TLK1: variants seen among roughly 807,000 people sequenced by gnomAD.
TLK1 encodes the protein serine/threonine-protein kinase tousled-like 1.
Under a neutral mutation model 105.3 loss-of-function variants are expected in TLK1, and 24 were observed. The observed-to-expected ratio is 0.23, with a 90% CI of 0.17 to 0.32. The LOEUF is 0.32. TLK1 is among the 10% of genes least tolerant of loss of function. The pLI, the probability that TLK1 is intolerant of heterozygous loss-of-function variation, is 1.00. For missense variants in TLK1, 558 were observed against 910.5 expected, an observed-to-expected ratio of 0.61 and a Z score of 4.98; for synonymous variants, 321 against 310.4, an observed-to-expected ratio of 1.03 and a Z score of -0.36.
At chr2:171,064,710 AAC>A (rs1687909488) in intron 3 of TLK1, among the ~76,000 whole-genome samples, 1 of 152,184 alleles carries the variant, frequency 6.6e-6, no homozygotes, top group Admixed American at 6.5e-5. Context: ...TATACAATGA[AAC>A]AGTCATTAGG....
chr2:171,011,785 T>C (rs887377317), intron 13 of TLK1, among the ~76,000 whole-genome samples: 2 of 152,166 alleles, frequency 1.3e-5, no homozygotes, highest in African/African-American at 2.4e-5. Context: ...ATCACTTCTC[T>C]GGAAAAAACA....
chr2:171,221,898 A>C (rs1025478550), intron 1 of TLK1, among the ~76,000 whole-genome samples: 2 of 152,206 alleles, frequency 1.3e-5, no homozygotes, highest in African/African-American at 2.4e-5. Flanking sequence ...TCAAGTCACC[A>C]TATCCAAATA....
chr2:171,086,641 A>C (rs1047198296), intron 2 of TLK1, among the ~76,000 whole-genome samples: 2 of 111,774 alleles, frequency 1.8e-5, no homozygotes, highest in African/African-American at 6.0e-5. Flanking sequence ...AAACAAACAA[A>C]AAAAAAAAAC....
chr2:171,058,196 T>C lies in TLK1; in HGVS notation c.408A>G (p.Gly136=), dbSNP rs778790300. The change falls in exon 5 of 21, where the codon GGA becomes GGG. Residue 136 remains glycine, a splice_region_variant and synonymous_variant. Transcript: ENST00000431350. The part of the protein sequence containing the change: ...KAENQNESSQ[G]KSIGGRGHKI... ...TGTGGCCACGTCCCCCAATACTTTT[T>C]CCTAAAATATAAGAAGCGCATGATG... The C allele has an allele frequency of 6.2e-7, 1 of 1,613,444 alleles. No individual in the cohort carries two copies. Among genetic ancestry groups the C allele is most frequent in the East Asian group, 2.2e-5 (1 of 44,838 alleles).
chr2:171,105,382 C>G (rs1323876264), intron 2 of TLK1, among the ~76,000 whole-genome samples: 2 of 152,146 alleles, frequency 1.3e-5, no homozygotes, highest in African/African-American at 4.8e-5. Flanking sequence ...CAAATTTTAA[C>G]AGGTATATTT....
intron 11 of TLK1, among the ~76,000 whole-genome samples, chr2:171,031,045 TATAA>T (rs1289564824): frequency 6.6e-6 from 1 of 151,912 alleles, no homozygotes; most frequent in Non-Finnish European, 1.5e-5. Context: ...TGAAGGAAGT[TATAA>T]ATACTCTCCC....
chr2:171,048,030 C>G (rs1360792505), intron 10 of TLK1, among the ~76,000 whole-genome samples: 3 of 152,166 alleles, frequency 2.0e-5, no homozygotes, highest in Admixed American at 6.5e-5. Flanking sequence ...CTCACTGCAG[C>G]CTCCACCTCC....
chr2:171,205,365 AG>A (rs1693484769), intron 1 of TLK1, among the ~76,000 whole-genome samples: 1 of 151,088 alleles, frequency 6.6e-6, no homozygotes, highest in Non-Finnish European at 1.5e-5. Flanking sequence ...CTCTGTTACC[AG>A]GGCTGGAGTG....
rs145061233 is a variant in TLK1 at position 171,120,902 on chromosome 2, T to A, written c.140-3045A>T. On this transcript the variant is annotated intron_variant, in intron 1 of 20. Coordinates refer to ENST00000431350, the MANE Select transcript of TLK1 (RefSeq NM_012290.5). ...AAGGTAGAAGCAATCCAAGTGGCCATCAACAGATGAATGGATAAACAAAAT... is the reference window on the plus strand; with the variant it reads ...AAGGTAGAAGCAATCCAAGTGGCCAACAACAGATGAATGGATAAACAAAAT... 1.3e-4 allele frequency among the ~76,000 whole-genome samples: 20 copies of A among 152,290 alleles called. No homozygotes were observed. In the East Asian group the frequency reaches 3.9e-3, roughly 29 times the overall value.
intron 8 of TLK1, among the ~76,000 whole-genome samples, chr2:171,052,430 A>G (rs1309195675): frequency 6.6e-6 from 1 of 152,214 alleles, no homozygotes; most frequent in Admixed American, 6.5e-5. Context: ...ATGTTCTTAG[A>G]ACTGTTTATA....
At chr2:171,043,504 A>T (rs983013932) in intron 11 of TLK1, among the ~76,000 whole-genome samples, 1 of 152,188 alleles carries the variant, frequency 6.6e-6, no homozygotes, top group Admixed American at 6.5e-5. Flanking sequence ...GAATGAAAGG[A>T]TCACATTTTT....
At chr2:171,151,470 CTTTTTTTTTTTTT>C (rs55670860) in intron 1 of TLK1, among the ~76,000 whole-genome samples, 1 of 124,244 alleles carries the variant, frequency 8.0e-6, no homozygotes, top group East Asian at 2.3e-4. Context: ...ATATGTGTAT[CTTTTTTTTTTTTT>C]TTTTTTTTTG....
intron 5 of TLK1, among the ~76,000 whole-genome samples, chr2:171,057,948 G>A (rs946509691): frequency 6.6e-6 from 1 of 152,042 alleles, no homozygotes; most frequent in Non-Finnish European, 1.5e-5. Flanking sequence ...ACAACTATGT[G>A]AGAAAGTATT....
At chr2:170,994,659 C>G (rs893335634) in intron 20 of TLK1, 1 of 516,008 alleles carries the variant, frequency 1.9e-6, no homozygotes, top group African/African-American at 1.9e-5. Flanking sequence ...GAAAAAGAAC[C>G]TCTGAATCCC....
At chr2:171,119,748 C>T (rs574821710) in intron 1 of TLK1, among the ~76,000 whole-genome samples, 1 of 152,290 alleles carries the variant, frequency 6.6e-6, no homozygotes, top group Non-Finnish European at 1.5e-5. Context: ...ACAAATGGTG[C>T]AGGGAAAACT....
At chr2:171,004,073 G>A (rs1440451520) in intron 18 of TLK1, among the ~76,000 whole-genome samples, 1 of 151,944 alleles carries the variant, frequency 6.6e-6, no homozygotes, top group Admixed American at 6.6e-5. Flanking sequence ...CCCTGCCTCA[G>A]CCTCCCAAGT....
chr2:170,997,697 T>C lies in TLK1; in HGVS notation c.2016+15A>G. The C allele has an allele frequency of 6.5e-7, 1 of 1,534,296 alleles. No homozygotes were observed. Among genetic ancestry groups the C allele is most frequent in the African/African-American group, 1.4e-5 (1 of 73,266 alleles). On this transcript the variant is annotated intron_variant, in intron 19 of 20. Transcript: ENST00000431350. ...TTATCTCTGTAGAGCTGAAGGCTGG[T>C]AGAATTCAATTTACCTTTCTACCAT... is the stretch of plus-strand genomic sequence containing the variant.
chr2:171,086,112 T>G (rs1294813829), intron 2 of TLK1, among the ~76,000 whole-genome samples: 1 of 152,138 alleles, frequency 6.6e-6, no homozygotes, highest in Non-Finnish European at 1.5e-5. Flanking sequence ...TGAGTTTGAA[T>G]AGGAAATATC....
chr2:171,176,970 T>C (rs1692840957), intron 1 of TLK1, among the ~76,000 whole-genome samples: 1 of 151,652 alleles, frequency 6.6e-6, no homozygotes, highest in Non-Finnish European at 1.5e-5. Context: ...GTGGCTGGGA[T>C]TACAGGTGCC....
Sources: allele counts gnomAD v4.1 joint callset (sites outside exome capture counted in the v4.1 genomes callset), GRCh38; gene constraint gnomAD v4.1.1; transcripts MANE v1.5; gene names NCBI Gene and HGNC (gene_info 2026-07-23, HGNC 2026-07-21).